Variants in POFUT3 observed in about 807,000 individuals in gnomAD.
POFUT3 encodes the protein protein O-fucosyltransferase 3.
At chr8:33,340,406 G>A in the POFUT3 span, among the ~76,000 whole-genome samples, 1 of 151,848 alleles carries the variant, frequency 6.6e-6, no homozygotes, top group Non-Finnish European at 1.5e-5. Context: ...ACATGTGTGT[G>A]TGTGTGAATT....
chr8:33,351,433 G>A, the POFUT3 span, among the ~76,000 whole-genome samples: 1 of 152,118 alleles, frequency 6.6e-6, no homozygotes, highest in African/African-American at 2.4e-5. Flanking sequence ...CCTGGTGATG[G>A]GGAGTCGGCG....
At chr8:33,446,326 G>A in the POFUT3 span, among the ~76,000 whole-genome samples, 1 of 151,814 alleles carries the variant, frequency 6.6e-6, no homozygotes, top group Non-Finnish European at 1.5e-5. Context: ...GTGTGGTGGC[G>A]CACACCTGTA....
At chr8:33,449,633 C>G in the POFUT3 span, among the ~76,000 whole-genome samples, 2 of 151,864 alleles carry the variant, frequency 1.3e-5, no homozygotes, top group Non-Finnish European at 2.9e-5. Flanking sequence ...GGGACTGACT[C>G]CTCAACACCA....
chr8:33,319,432 AT>A, the POFUT3 span, among the ~76,000 whole-genome samples: 3 of 65,654 alleles, frequency 4.6e-5, no homozygotes, highest in Admixed American at 2.8e-4. Flanking sequence ...TTATATATAT[AT>A]TTTTTATATA....
the POFUT3 span, among the ~76,000 whole-genome samples, chr8:33,466,450 A>C: frequency 2.0e-5 from 3 of 151,462 alleles, no homozygotes; most frequent in Non-Finnish European, 4.4e-5. Context: ...CAAAAGAAGG[A>C]AAGGAAAGAG....
chr8:33,353,072 A>G, the POFUT3 span, among the ~76,000 whole-genome samples: 6 of 152,334 alleles, frequency 3.9e-5, no homozygotes, highest in Admixed American at 3.9e-4. Context: ...TGTTGAACAC[A>G]TTCAGGTTTG....
the POFUT3 span, chr8:33,389,721 G>A: frequency 5.0e-6 from 8 of 1,614,130 alleles, no homozygotes; most frequent in Non-Finnish European, 5.1e-6. Context: ...TTGTTTTTCG[G>A]GGACTCTTCA....
At chr8:33,349,729 T>C in the POFUT3 span, among the ~76,000 whole-genome samples, 1 of 152,336 alleles carries the variant, frequency 6.6e-6, no homozygotes, top group Non-Finnish European at 1.5e-5. Context: ...TTGTGAATTG[T>C]TCTGCCATAA....
At chr8:33,359,768 G>A in the POFUT3 span, among the ~76,000 whole-genome samples, 3 of 152,172 alleles carry the variant, frequency 2.0e-5, no homozygotes, top group East Asian at 1.9e-4. Flanking sequence ...CACTTTGGGA[G>A]GCCGAGGTGG....
At chr8:33,367,279 G>A in the POFUT3 span, among the ~76,000 whole-genome samples, 6 of 152,252 alleles carry the variant, frequency 3.9e-5, no homozygotes, top group African/African-American at 1.2e-4. Context: ...GCAGAAAACC[G>A]CTTAAAGGCA....
the POFUT3 span, among the ~76,000 whole-genome samples, chr8:33,428,613 G>A: frequency 1.3e-5 from 2 of 151,892 alleles, no homozygotes; most frequent in East Asian, 1.9e-4. Flanking sequence ...TGGTTTGAAC[G>A]TGTCTCCCAA....
chr8:33,463,748 C>T, the POFUT3 span, among the ~76,000 whole-genome samples: 1 of 152,242 alleles, frequency 6.6e-6, no homozygotes, highest in Non-Finnish European at 1.5e-5. Context: ...GATGAGGTCT[C>T]ACCATGTTGT....
At chr8:33,382,654 T>C in the POFUT3 span, among the ~76,000 whole-genome samples, 1 of 152,152 alleles carries the variant, frequency 6.6e-6, no homozygotes, top group Non-Finnish European at 1.5e-5. Flanking sequence ...TTGCCAGTTT[T>C]GTAGGAGGCA....
At chr8:33,455,631 CT>C in the POFUT3 span, 2 of 279,958 alleles carry the variant, frequency 7.1e-6, no homozygotes, top group African/African-American at 4.5e-5. Flanking sequence ...GTTTAGTAGA[CT>C]ATGAAACAAA....
At chr8:33,314,104 T>C in the POFUT3 span, among the ~76,000 whole-genome samples, 2 of 152,194 alleles carry the variant, frequency 1.3e-5, 1 homozygote, top group African/African-American at 4.8e-5. Flanking sequence ...TGCTGAGTTA[T>C]CATCGGCCTA....
At chr8:33,465,337 C>T in the POFUT3 span, among the ~76,000 whole-genome samples, 2 of 151,504 alleles carry the variant, frequency 1.3e-5, no homozygotes, top group Admixed American at 6.6e-5. Context: ...ATTATTATTC[C>T]CAGTTCCCAA....
chr8:33,392,354 T>TTAC, the POFUT3 span, among the ~76,000 whole-genome samples: 1 of 152,026 alleles, frequency 6.6e-6, no homozygotes, highest in Admixed American at 6.5e-5. Context: ...GGCAGGCAGA[T>TTAC]TACTTGAGGT....
the POFUT3 span, among the ~76,000 whole-genome samples, chr8:33,435,543 G>T: frequency 4.6e-5 from 7 of 150,784 alleles, no homozygotes; most frequent in African/African-American, 1.5e-4. Flanking sequence ...CTGAGACAGA[G>T]TCTTACTCTG....
the POFUT3 span, among the ~76,000 whole-genome samples, chr8:33,470,998 T>G: frequency 1.3e-5 from 2 of 152,178 alleles, no homozygotes; most frequent in African/African-American, 2.4e-5. Flanking sequence ...GATTACTTTA[T>G]CTTCATTTTC....
Sources: gnomAD v4.1 joint callset for allele counts (sites outside exome capture counted in the v4.1 genomes callset) on GRCh38, gnomAD v4.1.1 for gene constraint, MANE v1.5 for transcripts, NCBI Gene and HGNC (gene_info 2026-07-23, HGNC 2026-07-21) for gene names.